The following PMFBP1 variants were observed in gnomAD, a reference collection of about 807,000 sequenced individuals.
The protein encoded by PMFBP1 is polyamine modulated factor 1 binding protein 1.
PMFBP1 carries 131 observed loss-of-function variants against 137.8 expected under a neutral mutation model. That is an observed-to-expected ratio of 0.95 (90% CI 0.82 to 1.10). PMFBP1 has a LOEUF of 1.10. PMFBP1 is among the 50% of genes least tolerant of loss of function. PMFBP1 has a pLI of 0.00. For synonymous variants in PMFBP1, 490 were observed against 450.4 expected (o/e 1.09, Z -1.11); for missense variants, 1,199 against 1,175.4 (o/e 1.02, Z -0.29).
chr16:72,243,934 T>C, the PMFBP1 span, among the ~76,000 whole-genome samples: 74 of 152,302 alleles, frequency 4.9e-4, no homozygotes, highest in African/African-American at 1.7e-3. Flanking sequence ...TAATGAGCCC[T>C]AAAGGTTAGC....
At chr16:72,189,560 G>A in the PMFBP1 span, among the ~76,000 whole-genome samples, 1 of 152,210 alleles carries the variant, frequency 6.6e-6, no homozygotes, top group African/African-American at 2.4e-5. Context: ...CTCCAAAGAG[G>A]AGAAGGAAGA....
intron 5 of PMFBP1, among the ~76,000 whole-genome samples, chr16:72,148,447 C>T (rs2042848335): frequency 6.6e-6 from 1 of 152,062 alleles, no homozygotes; most frequent in Non-Finnish European, 1.5e-5. Context: ...TGCAGCAAAC[C>T]AACATGGCAC....
chr16:72,180,461 A>C (rs546011581), upstream of PMFBP1, among the ~76,000 whole-genome samples: 3 of 152,276 alleles, frequency 2.0e-5, no homozygotes, highest in South Asian at 4.1e-4. Flanking sequence ...TGAGTTTCTC[A>C]GTGGAGCTAT....
chr16:72,188,574 A>T, the PMFBP1 span, among the ~76,000 whole-genome samples: 1 of 152,234 alleles, frequency 6.6e-6, no homozygotes, highest in African/African-American at 2.4e-5. Flanking sequence ...TAAAGTACAC[A>T]CAGAGAAGGA....
chr16:72,225,332 G>A, the PMFBP1 span, among the ~76,000 whole-genome samples: 1 of 152,056 alleles, frequency 6.6e-6, no homozygotes, highest in South Asian at 2.1e-4. Context: ...CTTAGTCTCC[G>A]AGGTCAAGCT....
chr16:72,136,611 A>G lies in PMFBP1; in HGVS notation c.1046-6T>C. On this transcript the variant is annotated splice_polypyrimidine_tract_variant and splice_region_variant and intron_variant, in intron 8 of 20. Transcript: ENST00000237353. ...CAGCTCCAGCTTCATCATGTCTACC[A>G]TGGGGCGGGACAGAGTCTATGCTCA... is the stretch of plus-strand genomic sequence containing the variant. 1 of 1,613,652 alleles carries G rather than the reference A, an allele frequency of 6.2e-7. No individual in the cohort carries two copies. Among genetic ancestry groups the G allele is most frequent in the Non-Finnish European group, 8.5e-7 (1 of 1,179,884 alleles).
the PMFBP1 span, among the ~76,000 whole-genome samples, chr16:72,195,547 C>T: frequency 7.9e-5 from 12 of 152,322 alleles, no homozygotes; most frequent in African/African-American, 1.2e-4. Flanking sequence ...CTCAGCCATA[C>T]ACTCTTTTAT....
intron 19 of PMFBP1, 44 bp from the exon 20 acceptor site, chr16:72,120,133 C>T (rs372185613): frequency 2.5e-6 from 4 of 1,613,250 alleles, no homozygotes; most frequent in African/African-American, 2.7e-5. Flanking sequence ...GGGCTGCTGG[C>T]TCTGGTTGGT....
intron 2 of PMFBP1, among the ~76,000 whole-genome samples, chr16:72,169,917 A>G (rs2043197426): frequency 6.6e-6 from 1 of 152,186 alleles, no homozygotes; most frequent in African/African-American, 2.4e-5. Context: ...TTTGCCATAA[A>G]AACAAAATTG....
intron 5 of PMFBP1, 77 bp downstream of exon 5, chr16:72,150,531 G>A: frequency 1.4e-6 from 2 of 1,403,748 alleles, no homozygotes; most frequent in Non-Finnish European, 2.0e-6. Flanking sequence ...TCCAGTGGAG[G>A]AGGCTGGGAC....
chr16:72,246,960 C>A, the PMFBP1 span, among the ~76,000 whole-genome samples: 1 of 152,226 alleles, frequency 6.6e-6, no homozygotes, highest in South Asian at 2.1e-4. Context: ...TCCTACTGTT[C>A]AGGAATGAGC....
At chr16:72,148,996 T>TG (rs2042858274) in intron 5 of PMFBP1, among the ~76,000 whole-genome samples, 1 of 152,224 alleles carries the variant, frequency 6.6e-6, no homozygotes, top group Admixed American at 6.5e-5. Flanking sequence ...TCCAGCTCTG[T>TG]GGGGTTGGCT....
chr16:72,215,072 A>G, the PMFBP1 span, among the ~76,000 whole-genome samples: 1 of 152,308 alleles, frequency 6.6e-6, no homozygotes, highest in African/African-American at 2.4e-5. Context: ...ATAATAAAAA[A>G]TACTATACAG....
chr16:72,179,634 G>A (rs1322678494), upstream of PMFBP1, among the ~76,000 whole-genome samples: 2 of 152,110 alleles, frequency 1.3e-5, no homozygotes, highest in African/African-American at 4.8e-5. Flanking sequence ...AGCAAAAAAT[G>A]ACAAACAAAA....
rs1320423208 is a variant in PMFBP1 at position 72,119,945 on chromosome 16, C to G, written c.2913G>C (p.Glu971Asp). The part of the protein sequence containing the change: ...GPSRTESTQR[E>D]KVCGTLGWKG... ...TCCAGCCCAAGGTGCCGCACACTTT[C>G]TCCCTCTGTGTGGACTCCGTTCTGC... The change falls in exon 20 of 21, where the codon GAG (glutamate) becomes GAC (aspartate). Residue 971 changes from glutamate (E) to aspartate (D), a missense_variant. Physicochemically the swap from Glu to Asp is conservative, Grantham distance 45. Coordinates refer to ENST00000237353, the MANE Select transcript of PMFBP1 (RefSeq NM_031293.3). The G allele has an allele frequency of 1.2e-6, 2 of 1,614,256 alleles. No homozygotes were observed. The highest frequency in any genetic ancestry group is 2.2e-5 in the East Asian group (1 of 44,886).
In PMFBP1 at chr16:72,130,658, C is replaced by T. The variant is rs895886953; in HGVS notation, c.1512G>A (p.Gln504=). ...ALAGCHLEDT[Q]RKLQKGLLLD... ...GGAGGAGACCCTTCTGCAGTTTCCT[C>T]TGGGTGTCCTCCAGGTGACAGCCTG... The change falls in exon 11 of 21, where the codon CAG becomes CAA. Residue 504 remains glutamine (Q), a synonymous_variant. Coordinates refer to ENST00000237353, the MANE Select transcript of PMFBP1 (RefSeq NM_031293.3). The T allele has an allele frequency of 1.9e-6, 3 of 1,613,954 alleles. No individual in the cohort carries two copies. Among genetic ancestry groups the T allele is most frequent in the Middle Eastern group, 1.7e-4 (1 of 6,060 alleles).
chr16:72,240,595 T>C, the PMFBP1 span, among the ~76,000 whole-genome samples: 1 of 152,238 alleles, frequency 6.6e-6, no homozygotes, highest in Non-Finnish European at 1.5e-5. Context: ...GTTTTTATTT[T>C]TTCATTGTGA....
chr16:72,195,418 G>C, the PMFBP1 span, among the ~76,000 whole-genome samples: 1 of 151,942 alleles, frequency 6.6e-6, no homozygotes, highest in South Asian at 2.1e-4. Context: ...TGAATCTCTT[G>C]CACTTCTAAC....
At chr16:72,225,934 GACACACACACAC>G in the PMFBP1 span, among the ~76,000 whole-genome samples, 7 of 140,768 alleles carry the variant, frequency 5.0e-5, no homozygotes, top group Admixed American at 1.4e-4. Context: ...CACACTCACA[GACACACACACAC>G]ACACACACAC....
Sources: gnomAD v4.1 joint callset for allele counts (sites outside exome capture counted in the v4.1 genomes callset) on GRCh38, gnomAD v4.1.1 for gene constraint, MANE v1.5 for transcripts, NCBI Gene and HGNC (gene_info 2026-07-23, HGNC 2026-07-21) for gene names.